ZNF569: variants seen among roughly 807,000 people sequenced by gnomAD.
ZNF569 encodes the protein DNA-binding protein.
Under a neutral mutation model 56.3 loss-of-function variants are expected in ZNF569, and 38 were observed. That is an observed-to-expected ratio of 0.68 (90% CI 0.52 to 0.88). The LOEUF is 0.88. Among genes scored for constraint, ZNF569 ranks in the 40% least tolerant of loss-of-function variants. ZNF569 has a pLI of 0.00. For missense variants in ZNF569, 666 were observed against 809.2 expected (o/e 0.82, Z 2.15); for synonymous variants, 241 against 262.9 (o/e 0.92, Z 0.81).
intron 3 of ZNF569, among the ~76,000 whole-genome samples, chr19:37,429,643 T>C (rs749353236): frequency 3.3e-5 from 5 of 152,212 alleles, no homozygotes; most frequent in South Asian, 2.1e-4. Flanking sequence ...TCCACTTTCA[T>C]GCTGAGGTCA....
chr19:37,469,187 A>G (rs922624685), upstream of ZNF569: 6 of 1,239,452 alleles, frequency 4.8e-6, no homozygotes, highest in African/African-American at 1.5e-5. Context: ...GTGTGGGAGG[A>G]CCTGGTGGGG....
chr19:37,439,625 T>C (rs2041370872), intron 3 of ZNF569, among the ~76,000 whole-genome samples: 1 of 152,234 alleles, frequency 6.6e-6, no homozygotes, highest in Non-Finnish European at 1.5e-5. Context: ...CTTCCTTGTT[T>C]ATTCACAATA....
intron 2 of ZNF569, among the ~76,000 whole-genome samples, chr19:37,458,593 T>C (rs1301164475): frequency 6.6e-6 from 1 of 152,230 alleles, no homozygotes; most frequent in African/African-American, 2.4e-5. Context: ...CTTAACCATC[T>C]TGTGGCATTT....
At chr19:37,416,011 T>A (rs888519835) in intron 5 of ZNF569, among the ~76,000 whole-genome samples, 2 of 151,792 alleles carry the variant, frequency 1.3e-5, no homozygotes, top group Non-Finnish European at 2.9e-5. Context: ...GGCAAACAGA[T>A]CTCTTGAGCT....
At chr19:37,444,368 G>A (rs1405009364) in intron 3 of ZNF569, among the ~76,000 whole-genome samples, 3 of 152,094 alleles carry the variant, frequency 2.0e-5, no homozygotes, top group Admixed American at 6.5e-5. Context: ...TGGTTGTTGC[G>A]TGTAACAGTC....
At chr19:37,430,199 A>G (rs2146901631) in intron 3 of ZNF569, among the ~76,000 whole-genome samples, 1 of 152,044 alleles carries the variant, frequency 6.6e-6, no homozygotes, top group East Asian at 1.9e-4. Flanking sequence ...TATCTCAAAA[A>G]AAAAAAAAAG....
chr19:37,445,759 T>C (rs1401526538), intron 2 of ZNF569, among the ~76,000 whole-genome samples: 2 of 152,050 alleles, frequency 1.3e-5, no homozygotes, highest in Admixed American at 6.6e-5. Flanking sequence ...AAGATCTCTA[T>C]AAGGAAAACT....
Position 37,413,269 on chromosome 19 carries a change from T to C in ZNF569, c.1389A>G (p.Glu463=), listed in dbSNP as rs1230542948. The C allele has an allele frequency of 6.2e-7, 1 of 1,611,116 alleles. No homozygotes were observed. The highest frequency in any genetic ancestry group is 8.5e-7 in the Non-Finnish European group (1 of 1,179,112). ...CACATTCCTTACATATATAGGGTTT[T>C]TCCCCAGTATGAATTCTCTGGTGTC... ...LVRHQRIHTG[E]KPYICKECGK... is the part of the protein sequence containing the mutation. Residue 463 remains glutamate, a synonymous_variant, in exon 6 of 6, where the codon GAA becomes GAG. Transcript: ENST00000316950.
At chr19:37,468,057 T>A, upstream of ZNF569, 1 of 792,398 alleles carries the variant, frequency 1.3e-6, no homozygotes, top group Non-Finnish European at 2.0e-6. Context: ...ACTTAACTTC[T>A]CTATGCCTTT....
intron 2 of ZNF569, among the ~76,000 whole-genome samples, chr19:37,462,067 G>A (rs976876721): frequency 2.6e-5 from 4 of 151,758 alleles, no homozygotes; most frequent in Non-Finnish European, 5.9e-5. Flanking sequence ...ACTCTAGCAC[G>A]TCCTCCACCA....
chr19:37,414,035 T>C lies in ZNF569; in HGVS notation c.623A>G (p.His208Arg). ...ACATTCATAGGGCTTCTCTCCAGTATGAATTCTCAGATGTCTGATGAGGTC... is the reference window on the plus strand; with the variant it reads ...ACATTCATAGGGCTTCTCTCCAGTACGAATTCTCAGATGTCTGATGAGGTC... ...TLDLIRHLRI[H>R]TGEKPYECSN... The change falls in exon 6 of 6, where the codon CAT (histidine) becomes CGT (arginine). Residue 208 changes from histidine to arginine, a missense_variant. Physicochemically the swap from His to Arg is conservative, Grantham distance 29. Coordinates refer to ENST00000316950, the MANE Select transcript of ZNF569 (RefSeq NM_152484.3). The C allele has an allele frequency of 6.2e-7, 1 of 1,613,590 alleles. No homozygotes were observed. Among genetic ancestry groups the C allele is most frequent in the Non-Finnish European group, 8.5e-7 (1 of 1,179,868 alleles).
intron 5 of ZNF569, chr19:37,425,636 CT>C (rs952423680): frequency 0.011 from 3,238 of 293,448 alleles, no homozygotes; most frequent in Middle Eastern, 0.022. Flanking sequence ...TTTCTTTTCT[CT>C]TTTTTTTTTA....
At chr19:37,425,120 T>C (rs2041105151) in intron 5 of ZNF569, among the ~76,000 whole-genome samples, 1 of 151,356 alleles carries the variant, frequency 6.6e-6, no homozygotes, top group African/African-American at 2.4e-5. Context: ...GTCACACACA[T>C]ACACACACAA....
At chr19:37,466,276 G>A (rs2041833228) in intron 1 of ZNF569, among the ~76,000 whole-genome samples, 1 of 152,246 alleles carries the variant, frequency 6.6e-6, no homozygotes, top group African/African-American at 2.4e-5. Context: ...GCTAATACAC[G>A]AAAATAAAAT....
chr19:37,432,212 G>C (rs1281065889), intron 3 of ZNF569, among the ~76,000 whole-genome samples: 2 of 152,182 alleles, frequency 1.3e-5, no homozygotes, highest in African/African-American at 2.4e-5. Context: ...GTTACTGTGG[G>C]CCTTGGGTGA....
At chr19:37,452,045 T>C (rs1327954056) in intron 2 of ZNF569, among the ~76,000 whole-genome samples, 4 of 152,204 alleles carry the variant, frequency 2.6e-5, no homozygotes, top group African/African-American at 9.6e-5. Flanking sequence ...GTTTTTTGTA[T>C]TGATATGCTT....
chr19:37,464,118 C>T (rs1248079214), intron 2 of ZNF569, among the ~76,000 whole-genome samples: 1 of 152,070 alleles, frequency 6.6e-6, no homozygotes, highest in East Asian at 1.9e-4. Flanking sequence ...CACTAACGTC[C>T]TAACCCTTCA....
chr19:37,419,933 T>C (rs2041001544), intron 5 of ZNF569, among the ~76,000 whole-genome samples: 1 of 150,974 alleles, frequency 6.6e-6, no homozygotes, highest in South Asian at 2.1e-4. Context: ...TACAGAAAGT[T>C]GGGGTGGCTG....
chr19:37,418,317 T>A (rs958123496), intron 5 of ZNF569, among the ~76,000 whole-genome samples: 4 of 151,900 alleles, frequency 2.6e-5, no homozygotes, highest in Admixed American at 6.6e-5. Context: ...GCAAATATAG[T>A]GACCATAGGG....
Sources: gnomAD v4.1 joint callset for allele counts (sites outside exome capture counted in the v4.1 genomes callset) on GRCh38, gnomAD v4.1.1 for gene constraint, MANE v1.5 for transcripts, NCBI Gene and HGNC (gene_info 2026-07-23, HGNC 2026-07-21) for gene names.